Variants in NRXN3 observed in about 807,000 individuals in gnomAD.
NRXN3 encodes the protein neurexin 3, also known as neurexin III.
NRXN3 carries 32 observed loss-of-function variants against 137.6 expected under a neutral mutation model. The ratio of observed to expected loss-of-function variants is 0.23; its 90% CI spans 0.18 to 0.31. NRXN3 has a LOEUF of 0.31. NRXN3 is among the 10% of genes least tolerant of loss of function. NRXN3 has a pLI of 1.00. For synonymous variants in NRXN3, 798 were observed against 784.5 expected, an observed-to-expected ratio of 1.02 and a Z score of -0.29; for missense variants, 1,574 against 2,062.5, an observed-to-expected ratio of 0.76 and a Z score of 4.59.
rs778087993 is a variant in NRXN3 at position 78,957,369 on chromosome 14, T to A, written c.2395+8T>A. The A allele has an allele frequency of 6.2e-7, 1 of 1,609,094 alleles. No individual in the cohort carries two copies. The highest frequency in any genetic ancestry group is 1.7e-5 in the Admixed American group (1 of 59,736). On this transcript the variant is annotated splice_region_variant and intron_variant, in intron 11 of 20. Transcript: ENST00000335750. ...ATGATGATGTGGCTGAGGGTGAGTATGACTATGGTGAAATTCGTCTGTCTT... is the reference window on the plus strand; with the variant it reads ...ATGATGATGTGGCTGAGGGTGAGTAAGACTATGGTGAAATTCGTCTGTCTT...
In NRXN3 at chr14:78,704,294, T is replaced by G. The variant is rs376691740; in HGVS notation, c.1222-4923T>G. 4.7e-4 allele frequency among the ~76,000 whole-genome samples: 71 copies of G among 152,298 alleles called. 1 individual carries two copies. The South Asian group carries it at 7.3e-3, about 16-fold the overall frequency. On this transcript the variant is annotated intron_variant, in intron 6 of 20. Coordinates refer to ENST00000335750, the MANE Select transcript of NRXN3 (RefSeq NM_001330195.2). ...TTGGTAGGTAATAAAAGGATTCTGATTTATCAGATTGTGGGATCACCAAGT... is the reference window on the plus strand; with the variant it reads ...TTGGTAGGTAATAAAAGGATTCTGAGTTATCAGATTGTGGGATCACCAAGT...
intron 15 of NRXN3, among the ~76,000 whole-genome samples, chr14:79,264,542 G>A (rs1462139721): frequency 1.3e-5 from 2 of 151,902 alleles, no homozygotes; most frequent in Admixed American, 6.6e-5. Context: ...GTGTGTGTGT[G>A]TGTGTGTGTG....
intron 15 of NRXN3, chr14:79,279,607 G>GGCTGCT (rs1215640613): frequency 6.1e-6 from 6 of 986,814 alleles, no homozygotes; most frequent in East Asian, 1.1e-4. Flanking sequence ...TGGCTGCGGT[G>GGCTGCT]GCTGCTGCTG....
chr14:78,579,263 T>G (rs35736804), intron 4 of NRXN3, among the ~76,000 whole-genome samples: 3,671 of 152,336 alleles, frequency 0.024, 52 homozygotes, highest in African/African-American at 0.029. Context: ...CATTGTTGGC[T>G]GCTTCTTGAT....
chr14:79,373,478 C>T (rs938905284), intron 15 of NRXN3, among the ~76,000 whole-genome samples: 8 of 152,072 alleles, frequency 5.3e-5, no homozygotes, highest in South Asian at 2.1e-4. Context: ...TAAAAGATTC[C>T]GGAAAGCGAT....
intron 15 of NRXN3, among the ~76,000 whole-genome samples, chr14:79,018,361 G>T (rs2099583421): frequency 6.7e-6 from 1 of 149,856 alleles, no homozygotes; most frequent in African/African-American, 2.5e-5. Context: ...AGAAACTCAA[G>T]GAACCTTTGA....
intron 19 of NRXN3, among the ~76,000 whole-genome samples, chr14:79,703,677 C>T (rs1000606198): frequency 4.0e-5 from 6 of 151,754 alleles, no homozygotes; most frequent in Non-Finnish European, 8.8e-5. Flanking sequence ...TCTACATGTG[C>T]GGATTATAAT....
At chr14:78,666,715 C>G (rs1167406052) in intron 6 of NRXN3, among the ~76,000 whole-genome samples, 1 of 152,160 alleles carries the variant, frequency 6.6e-6, no homozygotes, top group African/African-American at 2.4e-5. Context: ...CTCCCTCTGC[C>G]CCCATAGTAC....
intron 10 of NRXN3, among the ~76,000 whole-genome samples, chr14:78,861,678 A>C (rs2099072764): frequency 6.6e-6 from 1 of 152,154 alleles, no homozygotes; most frequent in African/African-American, 2.4e-5. Flanking sequence ...CTGCTTAAAG[A>C]AGTGAGTGTG....
intron 15 of NRXN3, among the ~76,000 whole-genome samples, chr14:79,463,251 G>T (rs541466931): frequency 3.2e-4 from 48 of 152,160 alleles, no homozygotes; most frequent in Non-Finnish European, 2.4e-4. Context: ...GAAACTATAG[G>T]TCACCCACTT....
chr14:78,507,331 G>C (rs1308728398), intron 4 of NRXN3, among the ~76,000 whole-genome samples: 3 of 152,168 alleles, frequency 2.0e-5, no homozygotes, highest in African/African-American at 7.2e-5. Context: ...AATTCTGATT[G>C]GTTTGACCAG....
At chr14:78,315,333 C>T (rs2078577572) in intron 4 of NRXN3, among the ~76,000 whole-genome samples, 4 of 152,092 alleles carry the variant, frequency 2.6e-5, no homozygotes, top group African/African-American at 9.7e-5. Flanking sequence ...TTCAGAGTTA[C>T]TTACATTAGT....
chr14:78,414,567 A>T (rs2093022991), intron 4 of NRXN3, among the ~76,000 whole-genome samples: 1 of 152,224 alleles, frequency 6.6e-6, no homozygotes, highest in African/African-American at 2.4e-5. Flanking sequence ...AACAATATTA[A>T]TACTAACACC....
intron 1 of NRXN3, among the ~76,000 whole-genome samples, chr14:78,229,598 C>T (rs2065110446): frequency 6.6e-6 from 1 of 152,128 alleles, no homozygotes; most frequent in Non-Finnish European, 1.5e-5. Context: ...AACCAGAATC[C>T]CTCCCTTGAA....
intron 15 of NRXN3, among the ~76,000 whole-genome samples, chr14:79,395,927 G>T (rs2095009632): frequency 6.6e-6 from 1 of 151,852 alleles, no homozygotes; most frequent in South Asian, 2.1e-4. Flanking sequence ...ACATTATTAA[G>T]AAATGTGATA....
chr14:78,254,337 C>A (rs191472210), intron 2 of NRXN3, among the ~76,000 whole-genome samples: 1 of 152,106 alleles, frequency 6.6e-6, no homozygotes, highest in African/African-American at 2.4e-5. Context: ...AGGTTTTTAG[C>A]GTCTCTGAAT....
intron 19 of NRXN3, among the ~76,000 whole-genome samples, chr14:79,720,457 G>A (rs1729883613): frequency 6.6e-6 from 1 of 152,032 alleles, no homozygotes; most frequent in South Asian, 2.1e-4. Context: ...GCCTCCACAA[G>A]TGGTTTACTT....
intron 15 of NRXN3, among the ~76,000 whole-genome samples, chr14:79,234,688 G>C (rs2153304295): frequency 6.6e-6 from 1 of 151,844 alleles, no homozygotes; most frequent in Middle Eastern, 3.4e-3. Flanking sequence ...TTTTAATACT[G>C]CTCCCTCTCT....
chr14:78,462,301 C>T (rs1301256545), intron 4 of NRXN3, among the ~76,000 whole-genome samples: 2 of 152,186 alleles, frequency 1.3e-5, no homozygotes, highest in African/African-American at 4.8e-5. Flanking sequence ...AGACCAGGCA[C>T]ATACAGAGGC....
Sources: gnomAD v4.1 joint callset for allele counts (sites outside exome capture counted in the v4.1 genomes callset) on GRCh38, gnomAD v4.1.1 for gene constraint, MANE v1.5 for transcripts, NCBI Gene and HGNC (gene_info 2026-07-23, HGNC 2026-07-21) for gene names.